PLOD1: variants seen among roughly 807,000 people sequenced by gnomAD.
The protein encoded by PLOD1 is procollagen-lysine,2-oxoglutarate 5-dioxygenase 1.
A neutral mutation model predicts 94.7 loss-of-function variants in PLOD1; 70 were observed. The ratio of observed to expected loss-of-function variants is 0.74; its 90% CI spans 0.61 to 0.90. The LOEUF is 0.90. Ranked by LOEUF, PLOD1 falls within the 40% of genes least tolerant of loss-of-function variation. The pLI, the probability that PLOD1 is intolerant of heterozygous loss-of-function variation, is 0.00. For missense variants in PLOD1, 905 were observed against 972.7 expected (o/e 0.93, Z 0.93); for synonymous variants, 417 against 400.2 (o/e 1.04, Z -0.50).
rs1445338657 is a variant in PLOD1, at chr1:11,964,299, G to A, written c.1327G>A (p.Val443Ile). 8 of 1,125,022 alleles carry A rather than the reference G, an allele frequency of 7.1e-6. No homozygotes were observed. Among genetic ancestry groups the A allele is most frequent in the Non-Finnish European group, 8.9e-6 (7 of 789,180 alleles). The allele number at this position is 1,125,022 out of a possible 1,614,324, so 69.7% of individuals were successfully genotyped here. A position where few individuals can be genotyped will look rare whatever the true frequency, so the allele number is the denominator to read the frequency against. Residue 443 changes from valine to isoleucine, a missense_variant and splice_region_variant, in exon 12 of 19, where the codon GTT (valine) becomes ATT (isoleucine). Coordinates refer to ENST00000196061, the MANE Select transcript of PLOD1 (RefSeq NM_000302.4). ...DYVDIVQGRR[V>I]GVWNVPYISN... ...CGTGGACATTGTGCAGGGGCGGCGT[G>A]TGTGAGTACCTGCAGGGTGGGGGTG...
At position 11,971,228 on chromosome 1, in the gene PLOD1, G is replaced by A. The variant is rs893073331; in HGVS notation, c.1902+412G>A. Among the ~76,000 whole-genome samples the A allele has an allele frequency of 1.9e-3, 235 of 124,858 alleles. 1 individual carries two copies. Among genetic ancestry groups the A allele is most frequent in the African/African-American group, 6.8e-3 (221 of 32,284 alleles). 81.9% of individuals were successfully genotyped at this position (124,858 alleles called of 152,430 possible). On this transcript the variant is annotated intron_variant, in intron 17 of 18. Transcript: ENST00000196061. ...GGTGGGAGGGGTAGGGTGGAGTGGG[G>A]GGCTTGGGTGGAAGGGCCAGGGGTG...
intron 1 of PLOD1, among the ~76,000 whole-genome samples, chr1:11,941,921 T>A (rs1378983613): frequency 6.6e-6 from 1 of 151,628 alleles, no homozygotes; most frequent in East Asian, 1.9e-4. Flanking sequence ...TGACCTCAGG[T>A]GATCTGTCCA....
At chr1:11,965,759 GAA>G (rs970725445) in intron 14 of PLOD1, among the ~76,000 whole-genome samples, 166 bp downstream of exon 14, 2 of 152,208 alleles carry the variant, frequency 1.3e-5, no homozygotes, top group African/African-American at 4.8e-5. Context: ...GGTAGGGAGA[GAA>G]GGGTGTCCAG....
intron 1 of PLOD1, among the ~76,000 whole-genome samples, chr1:11,946,872 G>A (rs946382180): frequency 6.6e-6 from 1 of 152,178 alleles, no homozygotes; most frequent in East Asian, 1.9e-4. Context: ...ACCAGCATCT[G>A]TTCTGCTTCC....
chr1:11,962,523 A>T (rs1021095631), intron 10 of PLOD1, among the ~76,000 whole-genome samples: 1 of 145,928 alleles, frequency 6.9e-6, no homozygotes, highest in African/African-American at 2.5e-5. Flanking sequence ...TGATCCATCC[A>T]CCTCAGCCTC....
chr1:11,956,098 C>T (rs1363811333), intron 6 of PLOD1, among the ~76,000 whole-genome samples: 1 of 149,090 alleles, frequency 6.7e-6, no homozygotes. Context: ...CTAATAGGGT[C>T]AAACATGGGT....
chr1:11,946,377 T>C (rs925644226), intron 1 of PLOD1, among the ~76,000 whole-genome samples: 1 of 152,094 alleles, frequency 6.6e-6, no homozygotes, highest in Non-Finnish European at 1.5e-5. Flanking sequence ...CTTGTTAAAA[T>C]TGTAGGAATG....
rs1303308691 is a variant in PLOD1, at chr1:11,958,494, T to A, written c.844-22T>A. The A allele has an allele frequency of 4.3e-6, 7 of 1,612,794 alleles. No individual in the cohort carries two copies. The South Asian group carries it at 7.7e-5, about 18-fold the overall frequency. ...CTGTGACTGGACACTGCTGGACTCT[T>A]GTGCCGCCCTCCCTGGTGCAGGATG... On this transcript the variant is annotated intron_variant, in intron 8 of 18. Coordinates refer to ENST00000196061, the MANE Select transcript of PLOD1 (RefSeq NM_000302.4). This position sits in a 1 kb window ranked among gnomAD's most constrained non-coding sequence, Gnocchi z 4.3.
chr1:11,949,720 C>G lies in PLOD1; in HGVS notation c.169-53C>G, dbSNP rs114595968. 21,798 of 1,596,432 alleles carry G rather than the reference C, an allele frequency of 0.014. 295 individuals carry two copies. Among genetic ancestry groups the G allele is most frequent in the African/African-American group, 0.065 (4,852 of 74,544 alleles). On this transcript the variant is annotated intron_variant, in intron 2 of 18. Coordinates refer to ENST00000196061, the MANE Select transcript of PLOD1 (RefSeq NM_000302.4). ...CCAGCATGAGCCACCACGGCCAGCC[C>G]TGGAAAAATATTTCTTTACCAAAAG...
At position 11,958,167 on chromosome 1, in the gene PLOD1, C is replaced by T. The variant is rs1645752547; in HGVS notation, c.843+224C>T. Among the ~76,000 whole-genome samples, 1 of 152,108 alleles carries T rather than the reference C, an allele frequency of 6.6e-6. No homozygotes were observed. The highest frequency in any genetic ancestry group is 2.4e-5 in the African/African-American group (1 of 41,414). On this transcript the variant is annotated intron_variant, in intron 8 of 18. Transcript: ENST00000196061. The surrounding 1 kb of genome is among the most constrained non-coding windows in gnomAD (Gnocchi z 4.3). ...CCCCGAGATGTCCAGGTTCTGGTTT[C>T]TTCTGCCTGGTCCTTCAGGCTCTCC...
Position 11,964,317 on chromosome 1 carries a change from T to TGGGGGTGGGG in PLOD1, c.1328+26_1328+27insGGGGGGTGGG. ...GCGGCGTGTGTGAGTACCTGCAGGG[T>TGGGGGTGGGG]GGGGGTGGGTGGGGGACACCTTCAT... On this transcript the variant is annotated intron_variant, in intron 12 of 18. Transcript: ENST00000196061. The TGGGGGTGGGG allele has an allele frequency of 4.2e-6, 1 of 238,138 alleles. No individual in the cohort carries two copies. The highest frequency in any genetic ancestry group is 4.8e-5 in the Admixed American group (1 of 20,972). 14.8% of individuals were successfully genotyped at this position (238,138 alleles called of 1,614,324 possible). A position where few individuals can be genotyped will look rare whatever the true frequency, so the allele number is the denominator to read the frequency against.
chr1:11,967,583 A>ATGTG (rs1272205754), intron 16 of PLOD1, among the ~76,000 whole-genome samples: 3 of 105,440 alleles, frequency 2.8e-5, no homozygotes, highest in African/African-American at 4.4e-5. Context: ...TTTTCTTTTC[A>ATGTG]TGTGTGTGTG....
At chr1:11,967,616 A>ATATATATATATATATATATAAATAT (rs35226154) in intron 16 of PLOD1, among the ~76,000 whole-genome samples, 3 of 75,144 alleles carry the variant, frequency 4.0e-5, no homozygotes, top group African/African-American at 6.5e-5. Flanking sequence ...TATATATATA[A>ATATATATATATATATATATAAATAT]AAAGAAATAT....
In PLOD1 at chr1:11,972,508, C is replaced by T. The variant is rs1381568520; in HGVS notation, c.1903-364C>T. The T allele has an allele frequency of 1.5e-5, 4 of 265,978 alleles. No homozygotes were observed. The highest frequency in any genetic ancestry group is 9.0e-5 in the East Asian group (1 of 11,128). 16.5% of individuals were successfully genotyped at this position (265,978 alleles called of 1,614,324 possible). ...CCTCAGGTGATCCGCCCACCTTGGC[C>T]TCCCAAAGTGCTGGAATTACAGGCG... On this transcript the variant is annotated intron_variant, in intron 17 of 18. Coordinates refer to ENST00000196061, the MANE Select transcript of PLOD1 (RefSeq NM_000302.4). This position sits in a 1 kb window ranked among gnomAD's most constrained non-coding sequence, Gnocchi z 4.6.
intron 14 of PLOD1, 103 bp from the exon 15 acceptor site, chr1:11,966,148 T>C (rs1483281080): frequency 1.2e-6 from 1 of 839,844 alleles, no homozygotes; most frequent in Non-Finnish European, 2.0e-6. Flanking sequence ...CCTGCCTCTG[T>C]CAAGCACGTA....
intron 18 of PLOD1, 80 bp from the exon 19 acceptor site, chr1:11,974,573 C>T (rs1645889937): frequency 4.3e-6 from 6 of 1,402,636 alleles, no homozygotes; most frequent in Non-Finnish European, 6.0e-6. Flanking sequence ...GGCCACTTGG[C>T]CATGACAGGA....
At chr1:11,960,800 A>G in intron 10 of PLOD1, 33 bp downstream of exon 10, 2 of 1,611,086 alleles carry the variant, frequency 1.2e-6, no homozygotes, top group South Asian at 1.1e-5. Flanking sequence ...CTCCACTGAC[A>G]GTGGGGGCAG....
chr1:11,963,412 T>A lies in PLOD1; in HGVS notation c.1098-120T>A. The A allele has an allele frequency of 1.4e-6, 1 of 720,712 alleles. No homozygotes were observed. 44.6% of individuals were successfully genotyped at this position (720,712 alleles called of 1,614,324 possible). A position where few individuals can be genotyped will look rare whatever the true frequency, so the allele number is the denominator to read the frequency against. Reference sequence around the variant, plus strand: ...CGGGAGGAACCTTTGAGGCTGCTGGTGTGACCTCTCTAAAGCCCCTTGGCT... The same window carrying A: ...CGGGAGGAACCTTTGAGGCTGCTGGAGTGACCTCTCTAAAGCCCCTTGGCT... On this transcript the variant is annotated intron_variant, in intron 10 of 18. Coordinates refer to ENST00000196061, the MANE Select transcript of PLOD1 (RefSeq NM_000302.4). The surrounding 1 kb of genome is among the most constrained non-coding windows in gnomAD (Gnocchi z 4.3).
chr1:11,954,451 A>G (rs1393651090), intron 5 of PLOD1: 1 of 475,376 alleles, frequency 2.1e-6, no homozygotes, highest in South Asian at 1.6e-5. Flanking sequence ...GTGCCATTGC[A>G]CTCCAGCCTG....
Sources: allele counts gnomAD v4.1 joint callset (sites outside exome capture counted in the v4.1 genomes callset), GRCh38; gene constraint gnomAD v4.1.1; non-coding constraint Gnocchi (gnomAD v3.1); transcripts MANE v1.5; gene names NCBI Gene and HGNC (gene_info 2026-07-23, HGNC 2026-07-21).